Variants in GALNTL6 observed in about 807,000 individuals in gnomAD.
The protein encoded by GALNTL6 is polypeptide N-acetylgalactosaminyltransferase like 6.
A neutral mutation model predicts 73.7 loss-of-function variants in GALNTL6; 46 were observed. The observed-to-expected ratio is 0.62, with a 90% CI of 0.49 to 0.80. GALNTL6 has a LOEUF of 0.80. Ranked by LOEUF, GALNTL6 falls within the 30% of genes least tolerant of loss-of-function variation. The probability of loss-of-function intolerance (pLI) is 0.00; values close to 1 mark genes in which losing one functional copy is unlikely to be tolerated. For synonymous variants in GALNTL6, 259 were observed against 263.7 expected (o/e 0.98, Z 0.17); for missense variants, 604 against 755.0 (o/e 0.80, Z 2.34).
intron 2 of GALNTL6, among the ~76,000 whole-genome samples, chr4:172,086,875 A>C: frequency 6.6e-6 from 1 of 152,318 alleles, no homozygotes; most frequent in Admixed American, 6.5e-5. Flanking sequence ...TTATTTAACT[A>C]AAAATATTCG....
intron 3 of GALNTL6, among the ~76,000 whole-genome samples, chr4:172,246,288 T>G (rs1045827928): frequency 3.3e-5 from 5 of 152,056 alleles, no homozygotes; most frequent in African/African-American, 1.2e-4. Context: ...TAGATTAATT[T>G]AATAGACATT....
At chr4:172,026,919 T>C in intron 2 of GALNTL6, among the ~76,000 whole-genome samples, 1 of 152,122 alleles carries the variant, frequency 6.6e-6, no homozygotes, top group Non-Finnish European at 1.5e-5. Context: ...TCTCACTCTG[T>C]CACCTTTCAC....
At chr4:171,903,085 TAAG>T (rs1737149916) in intron 2 of GALNTL6, among the ~76,000 whole-genome samples, 1 of 152,032 alleles carries the variant, frequency 6.6e-6, no homozygotes, top group Non-Finnish European at 1.5e-5. Context: ...TGGAAGTACT[TAAG>T]AACTTAAAGA....
At chr4:172,565,296 T>C (rs145216327) in intron 5 of GALNTL6, among the ~76,000 whole-genome samples, 33 of 152,338 alleles carry the variant, frequency 2.2e-4, no homozygotes, top group African/African-American at 7.9e-4. Flanking sequence ...TTGTTGAAAG[T>C]CTTTAGCATG....
intron 5 of GALNTL6, among the ~76,000 whole-genome samples, chr4:172,705,885 GC>G (rs1167223407): frequency 6.6e-6 from 1 of 151,648 alleles, no homozygotes; most frequent in Non-Finnish European, 1.5e-5. Flanking sequence ...TTTTTTTTCT[GC>G]TTTTAGGATC....
chr4:172,014,236 G>T (rs1741115228), intron 2 of GALNTL6, among the ~76,000 whole-genome samples: 1 of 151,828 alleles, frequency 6.6e-6, no homozygotes, highest in Admixed American at 6.6e-5. Flanking sequence ...GGTATATGGT[G>T]AGCAGTGAGA....
chr4:172,453,788 C>CT (rs546922002), intron 5 of GALNTL6, among the ~76,000 whole-genome samples: 1 of 151,828 alleles, frequency 6.6e-6, no homozygotes, highest in African/African-American at 2.4e-5. Flanking sequence ...CATTTATCTG[C>CT]TTTTTTCTTC....
intron 7 of GALNTL6, among the ~76,000 whole-genome samples, chr4:172,858,765 C>T (rs546574544): frequency 2.8e-4 from 43 of 152,016 alleles, no homozygotes; most frequent in Non-Finnish European, 4.6e-4. Context: ...AGCAGCCTAA[C>T]GAGCTGACCC....
chr4:172,633,870 G>A (rs907271935), intron 5 of GALNTL6, among the ~76,000 whole-genome samples: 1 of 152,136 alleles, frequency 6.6e-6, no homozygotes, highest in Non-Finnish European at 1.5e-5. Context: ...TTTATAAATG[G>A]GAGTTCCCCT....
At chr4:172,212,951 G>A (rs369892667) in intron 2 of GALNTL6, among the ~76,000 whole-genome samples, 295 of 151,734 alleles carry the variant, frequency 1.9e-3, no homozygotes, top group Middle Eastern at 6.8e-3. Context: ...GATTACAGGC[G>A]TGAGCCACCA....
chr4:171,883,912 G>C lies in GALNTL6; in HGVS notation c.138+69194G>C, dbSNP rs1385555883. Among the ~76,000 whole-genome samples the C allele has an allele frequency of 6.6e-5, 10 of 152,160 alleles. No individual in the cohort carries two copies. The East Asian group carries it at 1.7e-3, about 27-fold the overall frequency. ...TCTGCCTGCCTCGGCCTCCCAAAGT[G>C]CTGGGATTACAGGCGTGAGCCACCG... On this transcript the variant is annotated intron_variant, in intron 2 of 12. Coordinates refer to ENST00000506823, the MANE Select transcript of GALNTL6 (RefSeq NM_001034845.3).
At chr4:172,360,516 A>G (rs1172191478) in intron 5 of GALNTL6, among the ~76,000 whole-genome samples, 1 of 152,202 alleles carries the variant, frequency 6.6e-6, no homozygotes, top group Non-Finnish European at 1.5e-5. Context: ...TAGGGTACAG[A>G]TAACTTATTC....
chr4:171,911,141 C>A (rs1737464695), intron 2 of GALNTL6, among the ~76,000 whole-genome samples: 1 of 152,004 alleles, frequency 6.6e-6, no homozygotes, highest in Non-Finnish European at 1.5e-5. Flanking sequence ...TATCACACCA[C>A]CTGTATCTTT....
In GALNTL6 at chr4:171,814,728, A is replaced by G. The variant is rs757977910; in HGVS notation, c.138+10A>G. 3.7e-6 allele frequency: 6 copies of G among 1,613,228 alleles called. No homozygotes were observed. The highest frequency in any genetic ancestry group is 5.1e-6 in the Non-Finnish European group (6 of 1,179,952). On this transcript the variant is annotated intron_variant, in intron 2 of 12. Coordinates refer to ENST00000506823, the MANE Select transcript of GALNTL6 (RefSeq NM_001034845.3). ...GCCCGGGGAGCAGCAGGTAAGTGCC[A>G]CCCAGAGAAAGATCACACAAGGATT... is the stretch of plus-strand genomic sequence containing the variant.
chr4:172,530,617 G>C (rs900722109), intron 5 of GALNTL6, among the ~76,000 whole-genome samples: 2 of 152,130 alleles, frequency 1.3e-5, no homozygotes, highest in Admixed American at 6.5e-5. Flanking sequence ...AATATTCAAG[G>C]CACACTTAAA....
chr4:172,354,443 A>G (rs1742078335), intron 5 of GALNTL6, among the ~76,000 whole-genome samples: 1 of 152,156 alleles, frequency 6.6e-6, no homozygotes, highest in Non-Finnish European at 1.5e-5. Context: ...ATCGTGTTGC[A>G]TAAAAGTTAA....
chr4:171,836,214 T>C (rs558351370), intron 2 of GALNTL6, among the ~76,000 whole-genome samples: 39 of 152,150 alleles, frequency 2.6e-4, no homozygotes, highest in African/African-American at 8.9e-4. Context: ...ATTTTTAAAT[T>C]ATATAAAAAT....
intron 5 of GALNTL6, among the ~76,000 whole-genome samples, chr4:172,756,998 T>C (rs1737792069): frequency 6.6e-6 from 1 of 152,244 alleles, no homozygotes; most frequent in Non-Finnish European, 1.5e-5. Context: ...ACCTGCATTT[T>C]ATCTGATGTT....
chr4:172,537,282 C>A (rs547002244), intron 5 of GALNTL6, among the ~76,000 whole-genome samples: 117 of 152,338 alleles, frequency 7.7e-4, no homozygotes, highest in African/African-American at 2.5e-3. Context: ...CAAATCTCAT[C>A]TTGAACTGTA....
Sources: gnomAD v4.1 joint callset for allele counts (sites outside exome capture counted in the v4.1 genomes callset) on GRCh38, gnomAD v4.1.1 for gene constraint, MANE v1.5 for transcripts, NCBI Gene and HGNC (gene_info 2026-07-23, HGNC 2026-07-21) for gene names.